FER: variants seen among roughly 807,000 people sequenced by gnomAD.
FER encodes FER tyrosine kinase.
Under a neutral mutation model 111.0 loss-of-function variants are expected in FER, and 63 were observed. That is an observed-to-expected ratio of 0.57 (90% CI 0.46 to 0.70). FER has a LOEUF of 0.70. Among genes scored for constraint, FER ranks in the 30% least tolerant of loss-of-function variants. The pLI is 0.00. For synonymous variants in FER, 327 were observed against 313.9 expected, an observed-to-expected ratio of 1.04 and a Z score of -0.44; for missense variants, 914 against 954.0, an observed-to-expected ratio of 0.96 and a Z score of 0.55.
chr5:109,146,251 C>CA (rs1754133958), intron 17 of FER, among the ~76,000 whole-genome samples: 1 of 43,146 alleles, frequency 2.3e-5, no homozygotes, highest in South Asian at 5.6e-4. Context: ...TATAATCTAT[C>CA]TAATATATAT....
chr5:109,006,696 T>C (rs1765543633), intron 13 of FER, among the ~76,000 whole-genome samples: 4 of 152,148 alleles, frequency 2.6e-5, no homozygotes, highest in East Asian at 1.9e-4. Context: ...GGGGGGAGAA[T>C]TGTTATTTAC....
intron 8 of FER, among the ~76,000 whole-genome samples, chr5:108,874,724 T>A (rs924792779): frequency 1.3e-5 from 2 of 152,020 alleles, no homozygotes; most frequent in African/African-American, 4.8e-5. Context: ...ATTATTCTAA[T>A]AGAAGTGAAA....
chr5:108,936,800 A>G (rs1402730754), intron 10 of FER, among the ~76,000 whole-genome samples: 1 of 152,054 alleles, frequency 6.6e-6, no homozygotes, highest in South Asian at 2.1e-4. Context: ...AGCTATTTAT[A>G]AGTACAGCAA....
chr5:108,831,850 G>C (rs1760076099), intron 3 of FER, among the ~76,000 whole-genome samples: 1 of 152,318 alleles, frequency 6.6e-6, no homozygotes, highest in East Asian at 1.9e-4. Context: ...ATTCTTGTCA[G>C]TATCTGAAAC....
At chr5:108,840,431 C>T (rs945917925) in intron 5 of FER, among the ~76,000 whole-genome samples, 2 of 152,022 alleles carry the variant, frequency 1.3e-5, no homozygotes, top group African/African-American at 4.8e-5. Context: ...TGCTTTGAAC[C>T]AGGATCTGAT....
At chr5:109,026,227 A>G (rs1350351956) in intron 13 of FER, among the ~76,000 whole-genome samples, 1 of 152,174 alleles carries the variant, frequency 6.6e-6, no homozygotes, top group Non-Finnish European at 1.5e-5. Flanking sequence ...CACATACAAG[A>G]ACTATTTTAT....
At chr5:109,166,989 G>A (rs1351494537) in intron 17 of FER, among the ~76,000 whole-genome samples, 2 of 152,052 alleles carry the variant, frequency 1.3e-5, no homozygotes, top group Non-Finnish European at 2.9e-5. Context: ...AAAATGTTAC[G>A]GCTTCATTTT....
At position 109,186,314 on chromosome 5, in the gene FER, T is replaced by C. The variant is rs1758858368; in HGVS notation, c.2318T>C (p.Val773Ala). Residue 773 changes from valine (V) to alanine (A), a missense_variant, in exon 19 of 20, where the codon GTA (valine) becomes GCA (alanine). Coordinates refer to ENST00000281092, the MANE Select transcript of FER (RefSeq NM_005246.4). Reference sequence around the variant, plus strand: ...ACAAATCAGCAAGCAAGAGAGCAAGTAGAAAGAGGTGAGCCAAGTACATTC... The same window carrying C: ...ACAAATCAGCAAGCAAGAGAGCAAGCAGAAAGAGGTGAGCCAAGTACATTC... Reference protein sequence around the residue: ...GMTNQQAREQVERGYRMSAPQ... With the variant: ...GMTNQQAREQAERGYRMSAPQ... 1 of 1,613,992 alleles carries C rather than the reference T, an allele frequency of 6.2e-7. No individual in the cohort carries two copies. Among genetic ancestry groups the C allele is most frequent in the Non-Finnish European group, 8.5e-7 (1 of 1,179,956 alleles).
At chr5:109,086,970 CCT>C (rs1441477495) in intron 16 of FER, among the ~76,000 whole-genome samples, 9 of 148,260 alleles carry the variant, frequency 6.1e-5, no homozygotes, top group Admixed American at 1.4e-4. Flanking sequence ...CTAATCTCCT[CCT>C]CTTATAAGGA....
intron 13 of FER, among the ~76,000 whole-genome samples, chr5:109,000,513 G>A (rs571905822): frequency 6.6e-6 from 1 of 151,980 alleles, no homozygotes; most frequent in African/African-American, 2.4e-5. Context: ...AGGGTGTAGA[G>A]GGAAATTTAT....
Position 109,187,072 on chromosome 5 carries a change from T to C in FER, c.2327-361T>C, listed in dbSNP as rs563905833. Among the ~76,000 whole-genome samples, 30 of 152,304 alleles carry C rather than the reference T, an allele frequency of 2.0e-4. No individual in the cohort carries two copies. In the South Asian group the frequency reaches 3.5e-3, roughly 18 times the overall value. On this transcript the variant is annotated intron_variant, in intron 19 of 19. Coordinates refer to ENST00000281092, the MANE Select transcript of FER (RefSeq NM_005246.4). Reference sequence around the variant, plus strand: ...TCATATTGAATTCACATTTATAAAATCCTCATCTTCTCTTCATCTTGAAAA... The same window carrying C: ...TCATATTGAATTCACATTTATAAAACCCTCATCTTCTCTTCATCTTGAAAA...
chr5:109,125,952 A>G (rs2126536710), intron 17 of FER, among the ~76,000 whole-genome samples: 1 of 152,152 alleles, frequency 6.6e-6, no homozygotes, highest in African/African-American at 2.4e-5. Context: ...TAAAACTGCT[A>G]CATCCACAGA....
chr5:108,971,671 C>CT (rs1337075555), intron 13 of FER, among the ~76,000 whole-genome samples: 1 of 152,072 alleles, frequency 6.6e-6, no homozygotes, highest in Non-Finnish European at 1.5e-5. Flanking sequence ...TAAAACACAG[C>CT]TTAATAAAGA....
chr5:109,008,733 C>A (rs1457628200), intron 13 of FER, among the ~76,000 whole-genome samples: 1 of 152,180 alleles, frequency 6.6e-6, no homozygotes, highest in African/African-American at 2.4e-5. Flanking sequence ...GTAATCCCAG[C>A]CTTTTGGGAG....
intron 13 of FER, among the ~76,000 whole-genome samples, chr5:109,011,211 A>T (rs1389143383): frequency 6.6e-6 from 1 of 152,026 alleles, no homozygotes; most frequent in East Asian, 1.9e-4. Context: ...TTCTTCTAAG[A>T]CTTAAAAAGT....
rs1387870561 is a variant in FER at position 108,749,415 on chromosome 5, T to TG, written c.-206+1421dup. 1.0e-4 allele frequency among the ~76,000 whole-genome samples: 15 copies of TG among 149,704 alleles called. No individual in the cohort carries two copies. In the East Asian group the frequency reaches 2.6e-3, roughly 26 times the overall value. ...GGCTGATGGGCGTGAGGCGGGGTGG[T>TG]GGGGGGACTGTGGGCACCACCCAAT... On this transcript the variant is annotated intron_variant, in intron 1 of 19. Transcript: ENST00000281092.
At chr5:108,761,064 G>A (rs865775120) in intron 1 of FER, among the ~76,000 whole-genome samples, 11 of 152,066 alleles carry the variant, frequency 7.2e-5, no homozygotes, top group African/African-American at 2.7e-4. Context: ...CTGAGTAGCT[G>A]GGATTACAGG....
At position 109,162,056 on chromosome 5, in the gene FER, A is replaced by C. The variant is rs181756969; in HGVS notation, c.2049-18691A>C. Among the ~76,000 whole-genome samples, 196 of 152,184 alleles carry C rather than the reference A, an allele frequency of 1.3e-3. No individual in the cohort carries two copies. In the Middle Eastern group the frequency reaches 0.014, roughly 11 times the overall value. ...TTGGCCATATGTATGTTGTCTTTTG[A>C]AAAGTCTGTTCATGTCCTATACCTA... is the stretch of plus-strand genomic sequence containing the variant. On this transcript the variant is annotated intron_variant, in intron 17 of 19. Transcript: ENST00000281092.
At chr5:108,875,720 A>G (rs1161398207) in intron 8 of FER, among the ~76,000 whole-genome samples, 1 of 152,200 alleles carries the variant, frequency 6.6e-6, no homozygotes, top group Middle Eastern at 3.2e-3. Flanking sequence ...TAGGCTAAGT[A>G]TGACAAATTA....
Sources: allele counts gnomAD v4.1 joint callset (sites outside exome capture counted in the v4.1 genomes callset), GRCh38; gene constraint gnomAD v4.1.1; transcripts MANE v1.5; gene names NCBI Gene and HGNC (gene_info 2026-07-23, HGNC 2026-07-21).